The following KDM4C variants were observed in gnomAD, a reference collection of about 807,000 sequenced individuals.
The protein encoded by KDM4C is lysine-specific demethylase 4C.
KDM4C carries 81 observed loss-of-function variants against 129.3 expected under a neutral mutation model. The ratio of observed to expected loss-of-function variants is 0.63; its 90% CI spans 0.52 to 0.75. KDM4C has a LOEUF of 0.75. Ranked by LOEUF, KDM4C falls within the 30% of genes least tolerant of loss-of-function variation. KDM4C has a pLI of 0.00. For missense variants in KDM4C, 1,457 were observed against 1,304.0 expected, an observed-to-expected ratio of 1.12 and a Z score of -1.81; for synonymous variants, 573 against 456.1, an observed-to-expected ratio of 1.26 and a Z score of -3.26.
At chr9:6,799,625 G>A (rs934045899) in intron 2 of KDM4C, among the ~76,000 whole-genome samples, 6 of 147,924 alleles carry the variant, frequency 4.1e-5, no homozygotes, top group African/African-American at 1.3e-4. Flanking sequence ...AGACGGGAGA[G>A]GGCTCTTTTT....
intron 17 of KDM4C, among the ~76,000 whole-genome samples, chr9:7,094,754 C>G (rs1217825813): frequency 2.6e-5 from 4 of 152,204 alleles, no homozygotes; most frequent in Non-Finnish European, 4.4e-5. Context: ...TCACTGTTTC[C>G]TCAGTTTTAT....
intron 4 of KDM4C, among the ~76,000 whole-genome samples, chr9:6,828,811 G>T (rs1283910365): frequency 1.3e-5 from 2 of 152,058 alleles, no homozygotes; most frequent in Non-Finnish European, 2.9e-5. Flanking sequence ...GTAGAGGTTG[G>T]CATGAGCCGA....
intron 9 of KDM4C, among the ~76,000 whole-genome samples, chr9:6,983,573 G>GACACACACACACACACACACACACAC (rs56086219): frequency 9.2e-4 from 131 of 142,710 alleles, no homozygotes; most frequent in African/African-American, 1.1e-3. Context: ...GTGTCTTTAT[G>GACACACACACACACACACACACACAC]ACACACACAC....
chr9:7,111,302 A>G (rs1017566768), intron 18 of KDM4C, among the ~76,000 whole-genome samples: 6 of 152,204 alleles, frequency 3.9e-5, no homozygotes, highest in African/African-American at 1.4e-4. Context: ...CATGACACAC[A>G]AAGGAAATGC....
rs35264767 is a variant in KDM4C, at chr9:6,820,714, C to CT, written c.435+5989dup. ...TGTGTCTTGATCTCTCTCTCTCTCT[C>CT]TTTTTTTTTTTTTTTTTTTTGATAA... On this transcript the variant is annotated intron_variant, in intron 4 of 21. Coordinates refer to ENST00000381309, the MANE Select transcript of KDM4C (RefSeq NM_015061.6). Among the ~76,000 whole-genome samples, 508 of 127,142 alleles carry CT rather than the reference C, an allele frequency of 4.0e-3. 3 individuals carry two copies. Among genetic ancestry groups the CT allele is most frequent in the East Asian group, 8.0e-3 (35 of 4,384 alleles). The allele number at this position is 127,142 out of a possible 152,430, so 83.4% of individuals were successfully genotyped here.
chr9:7,129,051 TCTC>T (rs1474136098), intron 19 of KDM4C, among the ~76,000 whole-genome samples: 2 of 152,138 alleles, frequency 1.3e-5, no homozygotes. Flanking sequence ...TGTTATCCCT[TCTC>T]CTTTCGGGGG....
intron 4 of KDM4C, among the ~76,000 whole-genome samples, chr9:6,837,164 C>A (rs751894637): frequency 6.6e-6 from 1 of 152,080 alleles, no homozygotes; most frequent in Non-Finnish European, 1.5e-5. Context: ...CTCAAGTGAT[C>A]GTCCCACCTC....
At chr9:7,041,545 T>TG (rs1202150943) in intron 15 of KDM4C, among the ~76,000 whole-genome samples, 4 of 151,612 alleles carry the variant, frequency 2.6e-5, no homozygotes, top group Non-Finnish European at 5.9e-5. Flanking sequence ...CATAAATGAT[T>TG]TTTTTTTGCT....
rs563827544 is a variant in KDM4C at position 7,054,383 on chromosome 9, G to A, written c.2424+5183G>A. On this transcript the variant is annotated intron_variant, in intron 17 of 21. Coordinates refer to ENST00000381309, the MANE Select transcript of KDM4C (RefSeq NM_015061.6). ...GGCCGTAGTCATAAGTGAATCTCTG[G>A]AAGAAGAACAAAATTGTGCACAGAC... is the stretch of plus-strand genomic sequence containing the variant. 2.6e-5 allele frequency among the ~76,000 whole-genome samples: 4 copies of A among 152,180 alleles called. No homozygotes were observed. The South Asian group carries it at 8.3e-4, about 32-fold the overall frequency.
intron 4 of KDM4C, among the ~76,000 whole-genome samples, chr9:6,843,250 A>G (rs1367764928): frequency 6.6e-6 from 1 of 152,228 alleles, no homozygotes; most frequent in Non-Finnish European, 1.5e-5. Flanking sequence ...TGTTTGGAAC[A>G]GGATGCTGAC....
intron 18 of KDM4C, among the ~76,000 whole-genome samples, chr9:7,126,573 T>C (rs1025154767): frequency 2.6e-5 from 4 of 152,210 alleles, no homozygotes; most frequent in Admixed American, 2.6e-4. Context: ...ACTGGTGATT[T>C]CCAATATATG....
chr9:6,738,650 G>T (rs1171540803), intron 1 of KDM4C, among the ~76,000 whole-genome samples: 1 of 151,988 alleles, frequency 6.6e-6, no homozygotes, highest in Non-Finnish European at 1.5e-5. Context: ...TGTCACCAAG[G>T]CTGGAGTGCA....
chr9:7,065,060 A>C (rs76093050), intron 17 of KDM4C, among the ~76,000 whole-genome samples: 3 of 152,362 alleles, frequency 2.0e-5, no homozygotes, highest in African/African-American at 7.2e-5. Flanking sequence ...CAGTCAATCA[A>C]AACATAATCT....
At chr9:6,772,692 C>CTTTT (rs111924156) in intron 1 of KDM4C, among the ~76,000 whole-genome samples, 1 of 126,702 alleles carries the variant, frequency 7.9e-6, no homozygotes, top group African/African-American at 2.9e-5. Flanking sequence ...TTTTCTTTTA[C>CTTTT]TTTTTTTTTT....
intron 1 of KDM4C, among the ~76,000 whole-genome samples, chr9:6,733,198 T>C (rs1817409204): frequency 6.6e-6 from 1 of 152,220 alleles, no homozygotes; most frequent in African/African-American, 2.4e-5. Flanking sequence ...GTTGCTCTGC[T>C]TAAAAAACAA....
At chr9:6,912,638 T>C (rs533222856) in intron 8 of KDM4C, among the ~76,000 whole-genome samples, 29 of 152,312 alleles carry the variant, frequency 1.9e-4, no homozygotes, top group African/African-American at 6.7e-4. Context: ...AGAGAGAATT[T>C]ATATATTTGC....
intron 8 of KDM4C, among the ~76,000 whole-genome samples, chr9:6,894,675 T>C (rs1037790086): frequency 6.6e-6 from 1 of 152,118 alleles, no homozygotes; most frequent in Non-Finnish European, 1.5e-5. Flanking sequence ...ACCATGTACA[T>C]TGGAGTTGCA....
At chr9:6,940,067 TTC>T (rs76741754) in intron 8 of KDM4C, among the ~76,000 whole-genome samples, 17 of 137,168 alleles carry the variant, frequency 1.2e-4, no homozygotes, top group Admixed American at 8.7e-4. Context: ...CCTTCCCTCC[TTC>T]TCTCTCTCTC....
At chr9:6,880,768 G>T (rs1290935942) in intron 6 of KDM4C, among the ~76,000 whole-genome samples, 1 of 152,196 alleles carries the variant, frequency 6.6e-6, no homozygotes. Context: ...CAATGCCAAT[G>T]CAAGCAGCCA....
Sources: allele counts gnomAD v4.1 joint callset (sites outside exome capture counted in the v4.1 genomes callset), GRCh38; gene constraint gnomAD v4.1.1; transcripts MANE v1.5; gene names NCBI Gene and HGNC (gene_info 2026-07-23, HGNC 2026-07-21).